Variants in FLRT1 observed in about 807,000 individuals in gnomAD.
The protein encoded by FLRT1 is leucine-rich repeat transmembrane protein FLRT1.
FLRT1 carries 14 observed loss-of-function variants against 30.9 expected under a neutral mutation model. The ratio of observed to expected loss-of-function variants is 0.45; its 90% CI spans 0.30 to 0.71. FLRT1 has a LOEUF of 0.71. Ranked by LOEUF, FLRT1 falls within the 30% of genes least tolerant of loss-of-function variation. The pLI is 0.08. For missense variants in FLRT1, 737 were observed against 949.2 expected (o/e 0.78, Z 2.94); for synonymous variants, 368 against 430.4 (o/e 0.85, Z 1.80).
In FLRT1 at chr11:64,109,469, C is replaced by T. The variant is rs558680830; in HGVS notation, c.-50+5288C>T. 1.4e-3 allele frequency among the ~76,000 whole-genome samples: 207 copies of T among 152,254 alleles called. 1 individual carries two copies. The highest frequency in any genetic ancestry group is 2.4e-3 in the Non-Finnish European group (160 of 68,022). ...CAGCTCCACAAAGGGTCTAATGCAC[C>T]GTGAGCACAGCTTCTGGGGAGGGCT... is the stretch of plus-strand genomic sequence containing the variant. On this transcript the variant is annotated intron_variant, in intron 2 of 2. Coordinates refer to ENST00000682287, the MANE Select transcript of FLRT1 (RefSeq NM_013280.5).
chr11:64,058,606 G>A (rs1485388090), intron 1 of FLRT1, among the ~76,000 whole-genome samples: 3 of 152,244 alleles, frequency 2.0e-5, no homozygotes, highest in South Asian at 4.1e-4. Context: ...CGGGTGCAGC[G>A]GGCACGGCCC....
chr11:64,039,334 G>T (rs1346745743), intron 1 of FLRT1, among the ~76,000 whole-genome samples: 2 of 152,150 alleles, frequency 1.3e-5, no homozygotes, highest in African/African-American at 4.8e-5. Context: ...AGAGGAGAGC[G>T]CCAGCCTCTG....
chr11:64,057,412 G>C (rs557175850), intron 1 of FLRT1, among the ~76,000 whole-genome samples: 1 of 152,300 alleles, frequency 6.6e-6, no homozygotes, highest in African/African-American at 2.4e-5. Flanking sequence ...TGACCCACAT[G>C]GTGCCAGCTC....
chr11:64,054,152 G>GCC (rs1383167203), intron 1 of FLRT1, among the ~76,000 whole-genome samples: 3 of 152,184 alleles, frequency 2.0e-5, no homozygotes, highest in Non-Finnish European at 4.4e-5. Context: ...CCCACGGCTA[G>GCC]CCAGGGTCAG....
chr11:64,116,182 C>T, intron 2 of FLRT1, 37 bp from the exon 3 acceptor site: 3 of 1,510,480 alleles, frequency 2.0e-6, no homozygotes, highest in East Asian at 2.3e-5. Context: ...GCTGTCGCCG[C>T]CTCCCTCTCA....
chr11:64,083,830 C>G (rs897661174), intron 1 of FLRT1, among the ~76,000 whole-genome samples: 4 of 152,318 alleles, frequency 2.6e-5, no homozygotes, highest in African/African-American at 9.6e-5. Context: ...AACAGACCGA[C>G]GGATCTGCCA....
At position 64,118,886 on chromosome 11, in the gene FLRT1, G is replaced by A. The variant is rs901733670; in HGVS notation, c.*594G>A. 6.0e-6 allele frequency: 1 copy of A among 166,914 alleles called. No individual in the cohort carries two copies. The highest frequency in any genetic ancestry group is 1.5e-5 in the Non-Finnish European group (1 of 68,068). 10.3% of individuals were successfully genotyped at this position (166,914 alleles called of 1,614,324 possible). On this transcript the variant is annotated 3_prime_UTR_variant, in exon 3 of 3. Transcript: ENST00000682287. The stretch of plus-strand genomic sequence containing the variant: ...TTCCCTTGCAGATTTGCAGAAACAT[G>A]GCATCTTTCACTGCATTCTTTGAAC...
chr11:64,065,776 C>T (rs1468033974), intron 1 of FLRT1, among the ~76,000 whole-genome samples: 1 of 135,824 alleles, frequency 7.4e-6, no homozygotes, highest in Non-Finnish European at 1.5e-5. Flanking sequence ...GGCGACAGAG[C>T]ACGACTCCGC....
chr11:64,064,007 G>A lies in FLRT1; in HGVS notation c.-1038+27848G>A, dbSNP rs369360672. ...TGACGGCTCCTCTTGTCAGGCAGCC[G>A]CAGGGAGAGAGCGCATCTTCACTGG... On this transcript the variant is annotated intron_variant, in intron 1 of 2. Coordinates refer to ENST00000682287, the MANE Select transcript of FLRT1 (RefSeq NM_013280.5). This position sits in a 1 kb window ranked among gnomAD's most constrained non-coding sequence, Gnocchi z 4.5. 3.9e-5 allele frequency among the ~76,000 whole-genome samples: 6 copies of A among 152,250 alleles called. No homozygotes were observed. Among genetic ancestry groups the A allele is most frequent in the East Asian group, 3.9e-4 (2 of 5,180 alleles).
At chr11:64,049,805 G>A (rs867198137) in intron 1 of FLRT1, among the ~76,000 whole-genome samples, 7 of 152,190 alleles carry the variant, frequency 4.6e-5, no homozygotes, top group Non-Finnish European at 8.8e-5. Flanking sequence ...AAGTGAAGTC[G>A]TCTCTGCAGA....
At chr11:64,089,050 G>A (rs1210346006) in intron 1 of FLRT1, among the ~76,000 whole-genome samples, 2 of 152,190 alleles carry the variant, frequency 1.3e-5, no homozygotes, top group East Asian at 1.9e-4. Flanking sequence ...TCAGGAACTC[G>A]TGCCCCGCCG....
At chr11:64,058,659 A>G (rs974464489) in intron 1 of FLRT1, among the ~76,000 whole-genome samples, 21 of 152,350 alleles carry the variant, frequency 1.4e-4, no homozygotes, top group African/African-American at 5.0e-4. Flanking sequence ...CATGACACTG[A>G]ACAGCTTCCC....
At chr11:64,097,884 G>A (rs1382907798) in intron 1 of FLRT1, among the ~76,000 whole-genome samples, 1 of 152,156 alleles carries the variant, frequency 6.6e-6, no homozygotes, top group Non-Finnish European at 1.5e-5. Context: ...GGCTGTCCAT[G>A]GCTCTCTTGG....
chr11:64,117,355 T>C lies in FLRT1; in HGVS notation c.1088T>C (p.Val363Ala), dbSNP rs763699368. The C allele has an allele frequency of 4.3e-6, 7 of 1,613,658 alleles. No individual in the cohort carries two copies. The highest frequency in any genetic ancestry group is 5.9e-6 in the Non-Finnish European group (7 of 1,179,702). ...CTCATGTGCCAGGGCCCTGAGAAGGTCCGGGGCATGGCCATCAAGGACATT... is the reference window on the plus strand; with the variant it reads ...CTCATGTGCCAGGGCCCTGAGAAGGCCCGGGGCATGGCCATCAAGGACATT... ...RGLMCQGPEK[V>A]RGMAIKDITS... Residue 363 changes from valine (V) to alanine (A), a missense_variant, in exon 3 of 3, where the codon GTC (valine) becomes GCC (alanine). Coordinates refer to ENST00000682287, the MANE Select transcript of FLRT1 (RefSeq NM_013280.5).
chr11:64,065,642 T>C (rs1246799897), intron 1 of FLRT1, among the ~76,000 whole-genome samples: 1 of 151,384 alleles, frequency 6.6e-6, no homozygotes, highest in Non-Finnish European at 1.5e-5. Flanking sequence ...TACAAAAAAT[T>C]AGCCAGGCAT....
intron 1 of FLRT1, among the ~76,000 whole-genome samples, chr11:64,061,249 C>A (rs956567913): frequency 1.3e-5 from 2 of 152,228 alleles, no homozygotes; most frequent in Non-Finnish European, 2.9e-5. Context: ...GGCGATCACG[C>A]GGTGTAATTG....
At chr11:64,042,274 C>T (rs889977266) in intron 1 of FLRT1, among the ~76,000 whole-genome samples, 2 of 152,102 alleles carry the variant, frequency 1.3e-5, no homozygotes, top group African/African-American at 2.4e-5. Context: ...ATGAAGCCCA[C>T]ATCTCACCCC....
chr11:64,089,641 G>A (rs1023781703), intron 1 of FLRT1, among the ~76,000 whole-genome samples: 4 of 152,218 alleles, frequency 2.6e-5, no homozygotes, highest in African/African-American at 7.2e-5. Flanking sequence ...TCCCAGCCTG[G>A]CCCCACTCCT....
At chr11:64,075,479 C>G (rs1944184102) in intron 1 of FLRT1, among the ~76,000 whole-genome samples, 1 of 152,280 alleles carries the variant, frequency 6.6e-6, no homozygotes, top group Admixed American at 6.5e-5. Flanking sequence ...TTCCCCAAAG[C>G]TGCCCAGCTA....
Sources: gnomAD v4.1 joint callset for allele counts (sites outside exome capture counted in the v4.1 genomes callset) on GRCh38, gnomAD v4.1.1 for gene constraint, Gnocchi (gnomAD v3.1) non-coding constraint, MANE v1.5 for transcripts, NCBI Gene and HGNC (gene_info 2026-07-23, HGNC 2026-07-21) for gene names.